The following HECW2 variants were observed in gnomAD, a reference collection of about 807,000 sequenced individuals.
HECW2 encodes the protein E3 ubiquitin-protein ligase HECW2.
A neutral mutation model predicts 175.2 loss-of-function variants in HECW2; 61 were observed. That is an observed-to-expected ratio of 0.35 (90% confidence interval 0.28 to 0.43). The LOEUF is 0.43. Ranked by LOEUF, HECW2 falls within the 20% of genes least tolerant of loss-of-function variation. The pLI is 1.00. For synonymous variants in HECW2, 671 were observed against 731.0 expected (o/e 0.92, Z 1.32); for missense variants, 1,524 against 2,000.5 (o/e 0.76, Z 4.54).
At chr2:196,289,593 C>T (rs1028252628) in intron 14 of HECW2, 2 of 152,154 alleles carry the variant, frequency 1.3e-5, no homozygotes, top group Non-Finnish European at 1.5e-5. Flanking sequence ...GTAGGAGGAA[C>T]CAGCCCAGGT....
intron 1 of HECW2, among the ~76,000 whole-genome samples, chr2:196,516,398 C>T (rs1688148237): frequency 7.9e-6 from 1 of 126,500 alleles, no homozygotes; most frequent in Non-Finnish European, 1.5e-5. Flanking sequence ...TATTAACTGC[C>T]TACACACACA....
intron 1 of HECW2, among the ~76,000 whole-genome samples, chr2:196,554,413 C>T (rs1689725582): frequency 6.6e-6 from 1 of 152,156 alleles, no homozygotes; most frequent in South Asian, 2.1e-4. Flanking sequence ...GATGTTTTCA[C>T]AGTCCTGGAA....
At chr2:196,456,067 AT>A (rs1358270661) in intron 1 of HECW2, among the ~76,000 whole-genome samples, 1 of 152,148 alleles carries the variant, frequency 6.6e-6, no homozygotes, top group African/African-American at 2.4e-5. Flanking sequence ...GAGAAGGCAT[AT>A]AAATTATTTC....
At chr2:196,396,157 C>G (rs1341563371) in intron 2 of HECW2, among the ~76,000 whole-genome samples, 7 of 152,094 alleles carry the variant, frequency 4.6e-5, no homozygotes, top group Non-Finnish European at 1.0e-4. Flanking sequence ...CATGAGGTAC[C>G]TAGAGTAATC....
intron 21 of HECW2, 38 bp from the exon 22 acceptor site, chr2:196,228,292 T>A: frequency 6.4e-7 from 1 of 1,569,814 alleles, no homozygotes; most frequent in Non-Finnish European, 8.6e-7. Flanking sequence ...ATCTGTTACT[T>A]TTTTTCTAGA....
chr2:196,581,111 T>A (rs898942489), intron 1 of HECW2, among the ~76,000 whole-genome samples: 1 of 152,184 alleles, frequency 6.6e-6, no homozygotes, highest in Non-Finnish European at 1.5e-5. Flanking sequence ...GAGTAGTGGT[T>A]AATAAGAGTT....
chr2:196,265,468 A>G (rs370444565), intron 17 of HECW2, among the ~76,000 whole-genome samples: 9 of 152,288 alleles, frequency 5.9e-5, no homozygotes, highest in African/African-American at 2.2e-4. Flanking sequence ...CCTGGGTGAC[A>G]GAGTGAGACT....
At chr2:196,374,286 T>C (rs904288286) in intron 2 of HECW2, among the ~76,000 whole-genome samples, 1 of 152,176 alleles carries the variant, frequency 6.6e-6, no homozygotes, top group African/African-American at 2.4e-5. Context: ...TGCAAAATTA[T>C]ATGTACAATA....
chr2:196,234,240 G>A (rs1688158449), intron 21 of HECW2, among the ~76,000 whole-genome samples: 1 of 151,332 alleles, frequency 6.6e-6, no homozygotes, highest in Non-Finnish European at 1.5e-5. Context: ...TAAGAAATTA[G>A]TGGCCCCACG....
At chr2:196,581,571 T>C (rs1690786175) in intron 1 of HECW2, among the ~76,000 whole-genome samples, 1 of 152,064 alleles carries the variant, frequency 6.6e-6, no homozygotes, top group Non-Finnish European at 1.5e-5. Context: ...TAATAAGTAC[T>C]GAATTATACA....
intron 26 of HECW2, 56 bp from the exon 27 acceptor site, chr2:196,217,149 C>T (rs923779147): frequency 7.9e-7 from 1 of 1,270,202 alleles, no homozygotes; most frequent in Non-Finnish European, 1.1e-6. Context: ...ATTAAGCCAC[C>T]AAGATACGTG....
At chr2:196,234,437 G>A (rs1161083045) in intron 21 of HECW2, among the ~76,000 whole-genome samples, 1 of 151,944 alleles carries the variant, frequency 6.6e-6, no homozygotes, top group Non-Finnish European at 1.5e-5. Context: ...ACAGACACAA[G>A]CCATCACAAC....
rs765365899 is a variant in HECW2, at chr2:196,319,504, A to G, written c.1386T>C (p.His462=). The change falls in exon 9 of 29, where the codon CAT becomes CAC. Residue 462 remains histidine, a synonymous_variant. Transcript: ENST00000644978. ...PTDTRLNAML[H]IDSDEEDHEF... Reference sequence around the variant, plus strand: ...CGTGATCTTCTTCATCTGAATCAATATGAAGCATGGCATTGAGTCTTGTGT... The same window carrying G: ...CGTGATCTTCTTCATCTGAATCAATGTGAAGCATGGCATTGAGTCTTGTGT... The G allele has an allele frequency of 1.9e-6, 3 of 1,614,172 alleles. No homozygotes were observed. Among genetic ancestry groups the G allele is most frequent in the Non-Finnish European group, 2.5e-6 (3 of 1,180,032 alleles).
intron 1 of HECW2, among the ~76,000 whole-genome samples, chr2:196,519,444 C>A (rs918117800): frequency 6.6e-6 from 1 of 152,068 alleles, no homozygotes; most frequent in Non-Finnish European, 1.5e-5. Context: ...CATGGTAACC[C>A]GTCTATGTTC....
chr2:196,436,588 A>C (rs898911840), intron 1 of HECW2, among the ~76,000 whole-genome samples: 1 of 152,068 alleles, frequency 6.6e-6, no homozygotes, highest in Non-Finnish European at 1.5e-5. Context: ...AGGGCCAAAA[A>C]CCAAATACAT....
chr2:196,376,966 G>T (rs549175006), intron 2 of HECW2, among the ~76,000 whole-genome samples: 8 of 152,028 alleles, frequency 5.3e-5, no homozygotes, highest in Admixed American at 1.3e-4. Context: ...ATAAATGAAT[G>T]AATTAATTAA....
intron 2 of HECW2, among the ~76,000 whole-genome samples, chr2:196,419,674 A>G (rs1373946180): frequency 6.6e-6 from 1 of 152,224 alleles, no homozygotes; most frequent in Non-Finnish European, 1.5e-5. Context: ...GCAGCCACAC[A>G]GTAGGTTCTC....
At chr2:196,312,586 C>T (rs538816870) in intron 10 of HECW2, among the ~76,000 whole-genome samples, 7 of 152,218 alleles carry the variant, frequency 4.6e-5, no homozygotes, top group African/African-American at 1.4e-4. Context: ...TTTCCCCATA[C>T]GGAGTTGCGG....
At chr2:196,313,132 G>A (rs1041694061) in intron 10 of HECW2, among the ~76,000 whole-genome samples, 8 of 152,066 alleles carry the variant, frequency 5.3e-5, no homozygotes, top group East Asian at 1.9e-4. Context: ...GGGGAAAAAC[G>A]TTTATACAAC....
Sources: allele counts gnomAD v4.1 joint callset (sites outside exome capture counted in the v4.1 genomes callset), GRCh38; gene constraint gnomAD v4.1.1; transcripts MANE v1.5; gene names NCBI Gene and HGNC (gene_info 2026-07-23, HGNC 2026-07-21).